Variants in TMPRSS11A observed in about 807,000 individuals in gnomAD.
TMPRSS11A encodes the protein transmembrane protease serine 11A.
Under a neutral mutation model 58.9 loss-of-function variants are expected in TMPRSS11A, and 53 were observed. The ratio of observed to expected loss-of-function variants is 0.90; its 90% CI spans 0.72 to 1.13. The LOEUF is 1.13. Ranked by LOEUF, TMPRSS11A falls within the 50% of genes most tolerant of loss-of-function variation. The pLI is 0.00. For synonymous variants in TMPRSS11A, 167 were observed against 169.8 expected, an observed-to-expected ratio of 0.98 and a Z score of 0.13; for missense variants, 493 against 499.3, an observed-to-expected ratio of 0.99 and a Z score of 0.12.
intron 1 of TMPRSS11A, among the ~76,000 whole-genome samples, chr4:67,962,321 A>T (rs909329515): frequency 1.3e-5 from 2 of 152,092 alleles, no homozygotes; most frequent in Non-Finnish European, 2.9e-5. Context: ...AACCTAGTGA[A>T]GTTCACTAAC....
At chr4:67,933,380 G>A (rs1428382230) in intron 3 of TMPRSS11A, among the ~76,000 whole-genome samples, 2 of 152,068 alleles carry the variant, frequency 1.3e-5, no homozygotes, top group Non-Finnish European at 2.9e-5. Flanking sequence ...TGTAGGGTCC[G>A]CCTCTTCCCA....
chr4:67,944,644 T>C lies in TMPRSS11A; in HGVS notation c.134-7A>G, dbSNP rs1720959109. 1 of 1,604,814 alleles carries C rather than the reference T, an allele frequency of 6.2e-7. No individual in the cohort carries two copies. The highest frequency in any genetic ancestry group is 8.5e-7 in the Non-Finnish European group (1 of 1,176,872). On this transcript the variant is annotated splice_region_variant and splice_polypyrimidine_tract_variant and intron_variant, in intron 2 of 9. Transcript: ENST00000508048. ...TAGTACTCCTTTTTTTGGTCTGCAATGGAAATGAAAAATAGGAAACTAAAT... is the reference window on the plus strand; with the variant it reads ...TAGTACTCCTTTTTTTGGTCTGCAACGGAAATGAAAAATAGGAAACTAAAT...
intron 1 of TMPRSS11A, among the ~76,000 whole-genome samples, chr4:67,960,302 T>A (rs191110522): frequency 6.6e-6 from 1 of 152,224 alleles, no homozygotes; most frequent in East Asian, 1.9e-4. Flanking sequence ...TTTAAAAAAA[T>A]TAAATTAAAA....
At chr4:67,921,344 A>AT (rs991584248) in intron 7 of TMPRSS11A, among the ~76,000 whole-genome samples, 3 of 152,082 alleles carry the variant, frequency 2.0e-5, no homozygotes, top group African/African-American at 7.2e-5. Context: ...ATATATTACT[A>AT]TTTTTTTAAG....
intron 5 of TMPRSS11A, among the ~76,000 whole-genome samples, chr4:67,924,603 T>C (rs1418103896): frequency 6.6e-6 from 1 of 152,220 alleles, no homozygotes; most frequent in Non-Finnish European, 1.5e-5. Flanking sequence ...AGAGGTTTAA[T>C]GGACTCAGAG....
chr4:67,963,127 T>G (rs1721480017), intron 1 of TMPRSS11A, among the ~76,000 whole-genome samples: 1 of 152,234 alleles, frequency 6.6e-6, no homozygotes, highest in Non-Finnish European at 1.5e-5. Context: ...TAGTTTTTCA[T>G]TAACCTTTTC....
chr4:67,926,818 G>A (rs532457834), intron 5 of TMPRSS11A, among the ~76,000 whole-genome samples: 54 of 152,292 alleles, frequency 3.5e-4, no homozygotes, highest in African/African-American at 1.2e-3. Flanking sequence ...GAGAGGTGCT[G>A]GAGGCAGCAT....
intron 1 of TMPRSS11A, among the ~76,000 whole-genome samples, chr4:67,953,020 C>T (rs899654449): frequency 2.0e-5 from 3 of 152,046 alleles, no homozygotes; most frequent in African/African-American, 7.2e-5. Context: ...GAAATTGTTC[C>T]ACCTCAGATC....
At chr4:67,942,896 G>GA (rs1720914490) in intron 3 of TMPRSS11A, among the ~76,000 whole-genome samples, 1 of 152,052 alleles carries the variant, frequency 6.6e-6, no homozygotes, top group Non-Finnish European at 1.5e-5. Flanking sequence ...AAAGTTCTCA[G>GA]TAAAAAGAGA....
rs746120458 is a variant in TMPRSS11A, at chr4:67,922,814, C to A, written c.633G>T (p.Gln211His). Residue 211 changes from glutamine (Q) to histidine (H), a missense_variant, in exon 7 of 10, where the codon CAG becomes CAT. Gln to His is a conservative substitution (Grantham distance 24). Coordinates refer to ENST00000508048, the MANE Select transcript of TMPRSS11A (RefSeq NM_001114387.2). ...TGTTACTAATCAAGGTGGCCCCACA[C>A]TGATGGATGTTATCATACTGAAGGG... is the stretch of plus-strand genomic sequence containing the variant. ...QASLQYDNIH[Q>H]CGATLISNTW... 1 of 1,614,142 alleles carries A rather than the reference C, an allele frequency of 6.2e-7. No homozygotes were observed. The highest frequency in any genetic ancestry group is 8.5e-7 in the Non-Finnish European group (1 of 1,180,022).
intron 3 of TMPRSS11A, among the ~76,000 whole-genome samples, chr4:67,941,490 A>G (rs1046130084): frequency 6.6e-6 from 1 of 152,200 alleles, no homozygotes; most frequent in African/African-American, 2.4e-5. Flanking sequence ...TAATTATATC[A>G]TGTCATGATA....
At chr4:67,912,971 T>C (rs561132200) in intron 9 of TMPRSS11A, among the ~76,000 whole-genome samples, 13 of 152,348 alleles carry the variant, frequency 8.5e-5, no homozygotes, top group East Asian at 7.7e-4. Flanking sequence ...TTAATTTTTC[T>C]GATTATTTTT....
Position 67,910,232 on chromosome 4 carries a change from G to A in TMPRSS11A, c.*1110C>T, listed in dbSNP as rs1276686361. 3.3e-5 allele frequency: 5 copies of A among 151,942 alleles called. No individual in the cohort carries two copies. Among genetic ancestry groups the A allele is most frequent in the African/African-American group, 1.2e-4 (5 of 41,392 alleles). The allele number at this position is 151,942 out of a possible 1,614,324, so 9.4% of individuals were successfully genotyped here. ...GTCCAAAAGAGAAAACATACTATAT[G>A]TTATATGTTATAGCCCCATGTGTTA... On this transcript the variant is annotated 3_prime_UTR_variant, in exon 10 of 10. Transcript: ENST00000508048.
intron 7 of TMPRSS11A, among the ~76,000 whole-genome samples, chr4:67,921,139 G>A (rs1720317260): frequency 6.6e-6 from 1 of 151,958 alleles, no homozygotes; most frequent in African/African-American, 2.4e-5. Flanking sequence ...GTATAGATTT[G>A]GTGTTCAATG....
chr4:67,932,993 T>C (rs1481509377), intron 3 of TMPRSS11A, among the ~76,000 whole-genome samples: 2 of 151,876 alleles, frequency 1.3e-5, no homozygotes, highest in East Asian at 3.9e-4. Context: ...AATAGTGTCA[T>C]CTCAATGTGG....
intron 7 of TMPRSS11A, among the ~76,000 whole-genome samples, 190 bp from the exon 8 acceptor site, chr4:67,919,422 A>G (rs760948115): frequency 1.3e-5 from 2 of 152,210 alleles, no homozygotes; most frequent in Non-Finnish European, 2.9e-5. Flanking sequence ...TAAATGCCAT[A>G]TTAGAACTGA....
Position 67,962,077 on chromosome 4 carries a change from C to T in TMPRSS11A, c.11+1306G>A, listed in dbSNP as rs957238152. 2.0e-5 allele frequency among the ~76,000 whole-genome samples: 3 copies of T among 152,180 alleles called. No individual in the cohort carries two copies. The East Asian group carries it at 5.8e-4, about 29-fold the overall frequency. ...GATATGCATTTTCACATTCAATATA[C>T]TTTAATAATTTAATAGTAAATTATT... On this transcript the variant is annotated intron_variant, in intron 1 of 9. Coordinates refer to ENST00000508048, the MANE Select transcript of TMPRSS11A (RefSeq NM_001114387.2).
intron 9 of TMPRSS11A, among the ~76,000 whole-genome samples, chr4:67,912,299 C>CACACAT (rs1357809755): frequency 5.3e-5 from 8 of 151,938 alleles, no homozygotes; most frequent in Non-Finnish European, 7.4e-5. Context: ...CACACACACA[C>CACACAT]ACACACATAC....
At chr4:67,952,472 T>C (rs1470530496) in intron 1 of TMPRSS11A, among the ~76,000 whole-genome samples, 2 of 152,194 alleles carry the variant, frequency 1.3e-5, no homozygotes, top group African/African-American at 2.4e-5. Context: ...CAAATCTTCA[T>C]TGTGATTATG....
Sources: gnomAD v4.1 joint callset for allele counts (sites outside exome capture counted in the v4.1 genomes callset) on GRCh38, gnomAD v4.1.1 for gene constraint, MANE v1.5 for transcripts, NCBI Gene and HGNC (gene_info 2026-07-23, HGNC 2026-07-21) for gene names.